The following ATF2 variants were observed in gnomAD, a reference collection of about 807,000 sequenced individuals.
ATF2 encodes the protein cyclic AMP-dependent transcription factor ATF-2.
A neutral mutation model predicts 60.6 loss-of-function variants in ATF2; 24 were observed. That is an observed-to-expected ratio of 0.40 (90% CI 0.29 to 0.56). The LOEUF (loss-of-function observed/expected upper bound fraction) is 0.56, where lower values mean the gene tolerates loss of function less well. Among genes scored for constraint, ATF2 ranks in the 20% least tolerant of loss-of-function variants. The pLI, the probability that ATF2 is intolerant of heterozygous loss-of-function variation, is 0.54. For missense variants in ATF2, 433 were observed against 607.7 expected, an observed-to-expected ratio of 0.71 and a Z score of 3.02; for synonymous variants, 206 against 215.4, an observed-to-expected ratio of 0.96 and a Z score of 0.38.
rs150474121 is a variant in ATF2 at position 175,131,767 on chromosome 2, C to T, written c.33-1560G>A. 3.4e-4 allele frequency among the ~76,000 whole-genome samples: 51 copies of T among 152,118 alleles called. 1 individual carries two copies. The East Asian group carries it at 8.7e-3, about 26-fold the overall frequency. On this transcript the variant is annotated intron_variant, in intron 3 of 13. Transcript: ENST00000264110. Reference sequence around the variant, plus strand: ...ATAATGAGTGAGAACAGTATGGCACCGCAGTTCTCAAACAGGATCCTCTAC... The same window carrying T: ...ATAATGAGTGAGAACAGTATGGCACTGCAGTTCTCAAACAGGATCCTCTAC...
intron 9 of ATF2, among the ~76,000 whole-genome samples, chr2:175,113,384 G>A (rs542029912): frequency 5.4e-4 from 82 of 151,428 alleles, no homozygotes; most frequent in African/African-American, 1.9e-3. Flanking sequence ...CGCCCAATAC[G>A]CTGGGATTAC....
At position 175,097,718 on chromosome 2, in the gene ATF2, T is replaced by C; in HGVS notation, c.829-125A>G. ...CCTTTTGCCTAGTACTACTAGAGGA[T>C]TCTGTATTTTGCTGTTCCTAGTGAA... On this transcript the variant is annotated intron_variant, in intron 10 of 13. Coordinates refer to ENST00000264110, the MANE Select transcript of ATF2 (RefSeq NM_001880.4). 4.1e-6 allele frequency: 4 copies of C among 986,952 alleles called. No homozygotes were observed. In the South Asian group the frequency reaches 6.4e-5, roughly 16 times the overall value. The allele number at this position is 986,952 out of a possible 1,614,324, so 61.1% of individuals were successfully genotyped here. A position where few individuals can be genotyped will look rare whatever the true frequency, so the allele number is the denominator to read the frequency against.
At chr2:175,084,049 T>A (rs987952294) in intron 12 of ATF2, among the ~76,000 whole-genome samples, 3 of 152,332 alleles carry the variant, frequency 2.0e-5, no homozygotes, top group African/African-American at 7.2e-5. Context: ...TTGGTGGGAC[T>A]GTAAACTAGT....
At chr2:175,075,119 G>C (rs1693206517) in intron 13 of ATF2, 6 of 1,167,378 alleles carry the variant, frequency 5.1e-6, no homozygotes, top group African/African-American at 1.6e-5. Context: ...AAATGAGGGA[G>C]AGTTTGGAAG....
intron 2 of ATF2, among the ~76,000 whole-genome samples, chr2:175,142,415 C>A (rs1013351878): frequency 6.6e-6 from 1 of 152,062 alleles, no homozygotes; most frequent in Non-Finnish European, 1.5e-5. Context: ...GTGATCCACG[C>A]CTTGGCCTCC....
At chr2:175,151,784 G>A (rs1010736814) in intron 1 of ATF2, among the ~76,000 whole-genome samples, 4 of 152,184 alleles carry the variant, frequency 2.6e-5, no homozygotes, top group Admixed American at 6.5e-5. Flanking sequence ...AACCATGATC[G>A]CCTGGAACCA....
At chr2:175,129,083 T>C (rs889374835) in intron 4 of ATF2, among the ~76,000 whole-genome samples, 8 of 151,158 alleles carry the variant, frequency 5.3e-5, no homozygotes, top group Admixed American at 1.3e-4. Flanking sequence ...AACTAAAAAA[T>C]AGAAGTAAAC....
At position 175,114,095 on chromosome 2, in the gene ATF2, G is replaced by T; in HGVS notation, c.640C>A (p.Pro214Thr). The T allele has an allele frequency of 7.5e-6, 12 of 1,610,298 alleles. No individual in the cohort carries two copies. The highest frequency in any genetic ancestry group is 7.6e-6 in the Non-Finnish European group (9 of 1,178,310). Residue 214 changes from proline to threonine, a missense_variant, in exon 9 of 14, where the codon CCA (proline) becomes ACA (threonine). Physicochemically the swap from Pro to Thr is conservative, Grantham distance 38 (BLOSUM62 -1). This residue lies in a region of ATF2 where 246 missense variants were observed against 309.3 expected (regional missense o/e 0.80). Coordinates refer to ENST00000264110, the MANE Select transcript of ATF2 (RefSeq NM_001880.4). ...SNRPIVPVPG[P>T]FPLLLHLPNG... ...GGAAGATGTAACAGAAGAGGAAATG[G>T]GCCTGGTACAGGGCTAAGAAAAACA...
intron 10 of ATF2, among the ~76,000 whole-genome samples, chr2:175,098,122 GCTCT>G (rs1427278668): frequency 6.6e-6 from 1 of 152,190 alleles, no homozygotes; most frequent in Non-Finnish European, 1.5e-5. Flanking sequence ...CAGTTAGTAA[GCTCT>G]CTAAGAGCAG....
chr2:175,112,206 A>T (rs1248796584), intron 9 of ATF2, among the ~76,000 whole-genome samples: 2 of 152,178 alleles, frequency 1.3e-5, no homozygotes, highest in Admixed American at 1.3e-4. Flanking sequence ...GTATAAATAA[A>T]GCATATCTTT....
At position 175,130,206 on chromosome 2, in the gene ATF2, G is replaced by A; in HGVS notation, c.34C>T (p.Gln12Ter). The A allele has an allele frequency of 1.3e-6, 2 of 1,564,398 alleles. No homozygotes were observed. Among genetic ancestry groups the A allele is most frequent in the Non-Finnish European group, 8.7e-7 (1 of 1,154,238 alleles). Residue 12 changes from glutamine (Q) to a stop codon, truncating the protein, a stop_gained and splice_region_variant, in exon 4 of 14, where the codon CAA becomes TAA. Coordinates refer to ENST00000264110, the MANE Select transcript of ATF2 (RefSeq NM_001880.4). LOFTEE classifies it high-confidence loss of function. Reference sequence around the variant, plus strand: ...CTCATATTCCACAGGTCCTTGTATTGCCTATAATCAAACAGAAGACACTTT... The same window carrying A: ...CTCATATTCCACAGGTCCTTGTATTACCTATAATCAAACAGAAGACACTTT... Reference protein sequence around the residue: ...KFKLHVNSARQYKDLWNMSDD... With the variant: ...KFKLHVNSAR
At chr2:175,125,163 G>C (rs1012328318) in intron 4 of ATF2, among the ~76,000 whole-genome samples, 1 of 151,934 alleles carries the variant, frequency 6.6e-6, no homozygotes, top group South Asian at 2.1e-4. Flanking sequence ...GCTTACTGGT[G>C]ACAAAAAATA....
At chr2:175,165,519 A>G (rs1381172822) in intron 1 of ATF2, among the ~76,000 whole-genome samples, 1 of 152,234 alleles carries the variant, frequency 6.6e-6, no homozygotes, top group African/African-American at 2.4e-5. Flanking sequence ...GGTAGAAAAA[A>G]TGTACATTAT....
At chr2:175,155,851 T>C (rs1270135832) in intron 1 of ATF2, among the ~76,000 whole-genome samples, 1 of 152,176 alleles carries the variant, frequency 6.6e-6, no homozygotes, top group African/African-American at 2.4e-5. Flanking sequence ...GTGGTGTATC[T>C]GGAAAAAACA....
At position 175,151,095 on chromosome 2, in the gene ATF2, T is replaced by C. The variant is rs1044197449; in HGVS notation, c.-79A>G. 5 of 152,576 alleles carry C rather than the reference T, an allele frequency of 3.3e-5. No individual in the cohort carries two copies. The highest frequency in any genetic ancestry group is 1.2e-4 in the African/African-American group (5 of 41,450). The allele number at this position is 152,576 out of a possible 1,614,324, so 9.5% of individuals were successfully genotyped here. A position where few individuals can be genotyped will look rare whatever the true frequency, so the allele number is the denominator to read the frequency against. The stretch of plus-strand genomic sequence containing the variant: ...GGTGGGCCATGAGCTTTATTTACTC[T>C]GCTTCCAGGAATACCTTAGCTGTTA... On this transcript the variant is annotated 5_prime_UTR_variant, in exon 2 of 14. Coordinates refer to ENST00000264110, the MANE Select transcript of ATF2 (RefSeq NM_001880.4).
intron 11 of ATF2, 29 bp from the exon 12 acceptor site, chr2:175,093,296 A>G (rs1183857721): frequency 1.3e-6 from 2 of 1,599,124 alleles, no homozygotes; most frequent in African/African-American, 1.3e-5. Flanking sequence ...AAAGCCTGTT[A>G]TATTTGTATC....
rs144226995 is a variant in ATF2 at position 175,099,654 on chromosome 2, T to G, written c.829-2061A>C. Reference sequence around the variant, plus strand: ...TTCTCTTAGCACAATGCAGTTGAGATTCACCTGTGTTGTTGTATTATCTGT... The same window carrying G: ...TTCTCTTAGCACAATGCAGTTGAGAGTCACCTGTGTTGTTGTATTATCTGT... On this transcript the variant is annotated intron_variant, in intron 10 of 13. Coordinates refer to ENST00000264110, the MANE Select transcript of ATF2 (RefSeq NM_001880.4). Among the ~76,000 whole-genome samples the G allele has an allele frequency of 2.9e-3, 439 of 152,350 alleles. 3 individuals carry two copies. Among genetic ancestry groups the G allele is most frequent in the African/African-American group, 9.4e-3 (390 of 41,592 alleles).
At chr2:175,100,538 A>C (rs1695243949) in intron 10 of ATF2, among the ~76,000 whole-genome samples, 1 of 152,248 alleles carries the variant, frequency 6.6e-6, no homozygotes, top group Admixed American at 6.5e-5. Context: ...TCTTAGAAGC[A>C]AAATTTATTC....
Position 175,118,130 on chromosome 2 carries a change from A to G in ATF2, c.319-12T>C. On this transcript the variant is annotated splice_polypyrimidine_tract_variant and intron_variant, in intron 6 of 13. Transcript: ENST00000264110. ...AAATCTAGAGGCATCTATAATTCAAATAATAAGGAAAAGGTTATAAGTTCA... is the reference window on the plus strand; with the variant it reads ...AAATCTAGAGGCATCTATAATTCAAGTAATAAGGAAAAGGTTATAAGTTCA... The G allele has an allele frequency of 6.2e-7, 1 of 1,607,194 alleles. No individual in the cohort carries two copies. The highest frequency in any genetic ancestry group is 8.5e-7 in the Non-Finnish European group (1 of 1,177,270).
Sources: gnomAD v4.1 joint callset for allele counts (sites outside exome capture counted in the v4.1 genomes callset) on GRCh38, gnomAD v4.1.1 for gene constraint, gnomAD v4.1.1 regional missense constraint, MANE v1.5 for transcripts, NCBI Gene and HGNC (gene_info 2026-07-23, HGNC 2026-07-21) for gene names.